RYR3: variants seen among roughly 807,000 people sequenced by gnomAD.
RYR3 encodes the protein ryanodine receptor 3.
RYR3 carries 207 observed loss-of-function variants against 584.3 expected under a neutral mutation model. That is an observed-to-expected ratio of 0.35 (90% CI 0.32 to 0.40). The LOEUF is 0.40. RYR3 is among the 10% of genes least tolerant of loss of function. The pLI, the probability that RYR3 is intolerant of heterozygous loss-of-function variation, is 1.00. For missense variants in RYR3, 5,616 were observed against 6,089.2 expected (o/e 0.92, Z 2.59); for synonymous variants, 2,416 against 2,248.5 (o/e 1.07, Z -2.11).
At chr15:33,745,488 T>G (rs2070601593) in intron 52 of RYR3, among the ~76,000 whole-genome samples, 1 of 152,118 alleles carries the variant, frequency 6.6e-6, no homozygotes, top group African/African-American at 2.4e-5. Context: ...GGATGTGAAG[T>G]TACAGAAATC....
chr15:33,463,508 C>T (rs533671541), intron 1 of RYR3, among the ~76,000 whole-genome samples: 3 of 152,122 alleles, frequency 2.0e-5, no homozygotes, highest in African/African-American at 7.2e-5. Flanking sequence ...ATTTTTCCAA[C>T]CTATGAGAAT....
At position 33,429,219 on chromosome 15, in the gene RYR3, G is replaced by A. The variant is rs149482739; in HGVS notation, c.52-44200G>A. On this transcript the variant is annotated intron_variant, in intron 1 of 103. Transcript: ENST00000634891. Reference sequence around the variant, plus strand: ...GAGTTGTTCCACCAGGGTCCCCAGAGGACTTAGGATTTTGTCTCCACTCGG... The same window carrying A: ...GAGTTGTTCCACCAGGGTCCCCAGAAGACTTAGGATTTTGTCTCCACTCGG... Among the ~76,000 whole-genome samples the A allele has an allele frequency of 1.4e-4, 21 of 152,270 alleles. No homozygotes were observed. The East Asian group carries it at 4.1e-3, about 29-fold the overall frequency.
At chr15:33,580,828 C>T (rs1306042288) in intron 13 of RYR3, among the ~76,000 whole-genome samples, 1 of 152,200 alleles carries the variant, frequency 6.6e-6, no homozygotes, top group Non-Finnish European at 1.5e-5. Flanking sequence ...TGTAAACCAT[C>T]CCAGCTCAGT....
chr15:33,698,812 A>G (rs1409249305), intron 40 of RYR3, among the ~76,000 whole-genome samples: 1 of 152,158 alleles, frequency 6.6e-6, no homozygotes, highest in Non-Finnish European at 1.5e-5. Flanking sequence ...CAGATAGACT[A>G]CAAGTTTCTG....
chr15:33,413,437 A>C (rs574878650), intron 1 of RYR3, among the ~76,000 whole-genome samples: 4 of 152,364 alleles, frequency 2.6e-5, no homozygotes, highest in African/African-American at 9.6e-5. Context: ...TGGGGAGAGC[A>C]AACAAGACAG....
At chr15:33,591,401 G>A (rs772919669) in intron 16 of RYR3, among the ~76,000 whole-genome samples, 17 of 152,108 alleles carry the variant, frequency 1.1e-4, no homozygotes, top group South Asian at 6.2e-4. Context: ...TCCTCATAGC[G>A]CCAAGCTAAG....
At chr15:33,406,943 A>G (rs2043063121) in intron 1 of RYR3, among the ~76,000 whole-genome samples, 1 of 152,250 alleles carries the variant, frequency 6.6e-6, no homozygotes, top group Non-Finnish European at 1.5e-5. Context: ...TTTATAAACA[A>G]TAGAAATTTA....
intron 18 of RYR3, among the ~76,000 whole-genome samples, chr15:33,610,100 T>C (rs1301029530): frequency 6.6e-6 from 1 of 152,216 alleles, no homozygotes; most frequent in Non-Finnish European, 1.5e-5. Flanking sequence ...AGCAGCACTC[T>C]TGCTGTGCAG....
At chr15:33,437,985 T>A (rs191381670) in intron 1 of RYR3, among the ~76,000 whole-genome samples, 14 of 152,290 alleles carry the variant, frequency 9.2e-5, no homozygotes, top group African/African-American at 3.1e-4. Context: ...GCCTCCCAAA[T>A]ATCTATATAT....
chr15:33,853,488 C>T (rs1026074873), intron 95 of RYR3, 67 bp from the exon 96 acceptor site: 55 of 1,575,716 alleles, frequency 3.5e-5, no homozygotes, highest in Non-Finnish European at 3.5e-6. Flanking sequence ...GCTCTGAAGA[C>T]CCCAGAGCTA....
At chr15:33,706,830 C>A in intron 42 of RYR3, 89 bp from the exon 43 acceptor site, 2 of 1,321,560 alleles carry the variant, frequency 1.5e-6, no homozygotes, top group Admixed American at 2.3e-5. Context: ...TCTCTACATC[C>A]TCAACCAACA....
intron 1 of RYR3, among the ~76,000 whole-genome samples, chr15:33,464,423 A>C (rs980093501): frequency 1.6e-4 from 24 of 145,586 alleles, no homozygotes; most frequent in African/African-American, 6.1e-4. Context: ...AAAACCAAGC[A>C]AGCAAAAGAG....
intron 1 of RYR3, among the ~76,000 whole-genome samples, chr15:33,435,029 C>A (rs565191439): frequency 2.0e-5 from 3 of 152,082 alleles, no homozygotes; most frequent in Non-Finnish European, 4.4e-5. Flanking sequence ...ACTGTGTTAG[C>A]CAGGATGGTC....
intron 31 of RYR3, among the ~76,000 whole-genome samples, chr15:33,651,009 C>T (rs767753864): frequency 2.6e-5 from 4 of 152,116 alleles, no homozygotes; most frequent in African/African-American, 7.2e-5. Flanking sequence ...CAGAAGTGTC[C>T]ACCTCATTTG....
At chr15:33,450,049 C>G (rs1471867342) in intron 1 of RYR3, among the ~76,000 whole-genome samples, 1 of 139,192 alleles carries the variant, frequency 7.2e-6, no homozygotes, top group Non-Finnish European at 1.5e-5. Context: ...CTCAATCCTG[C>G]TTTTTCCTGT....
intron 85 of RYR3, among the ~76,000 whole-genome samples, chr15:33,827,674 G>C (rs556770115): frequency 6.6e-6 from 1 of 152,154 alleles, no homozygotes; most frequent in African/African-American, 2.4e-5. Context: ...TTACAAGTTC[G>C]TGTTGAGAAG....
At chr15:33,502,633 C>T (rs946025527) in intron 2 of RYR3, among the ~76,000 whole-genome samples, 3 of 152,198 alleles carry the variant, frequency 2.0e-5, no homozygotes, top group Non-Finnish European at 4.4e-5. Flanking sequence ...CAATATCAAG[C>T]ACTACGTAAA....
intron 57 of RYR3, among the ~76,000 whole-genome samples, chr15:33,752,629 G>T (rs2071424767): frequency 6.6e-6 from 1 of 152,118 alleles, no homozygotes; most frequent in African/African-American, 2.4e-5. Flanking sequence ...GGAGATTTGG[G>T]GCTGAGTTGA....
chr15:33,667,551 G>C (rs2063552834), intron 36 of RYR3, among the ~76,000 whole-genome samples: 1 of 151,770 alleles, frequency 6.6e-6, no homozygotes, highest in South Asian at 2.1e-4. Context: ...ATAGATATAA[G>C]ACCTGCCACT....
Sources: allele counts gnomAD v4.1 joint callset (sites outside exome capture counted in the v4.1 genomes callset), GRCh38; gene constraint gnomAD v4.1.1; transcripts MANE v1.5; gene names NCBI Gene and HGNC (gene_info 2026-07-23, HGNC 2026-07-21).